Variants in SATB1 observed in about 807,000 individuals in gnomAD.
The protein encoded by SATB1 is DNA-binding protein SATB1.
In SATB1, 11 loss-of-function variants were observed where a neutral mutation model predicts 86.9. The ratio of observed to expected loss-of-function variants is 0.13; its 90% confidence interval spans 0.08 to 0.21. The LOEUF (loss-of-function observed/expected upper bound fraction) is 0.21, where lower values mean the gene tolerates loss of function less well. Ranked by LOEUF, SATB1 falls within the 10% of genes least tolerant of loss-of-function variation. SATB1 has a pLI of 1.00. For synonymous variants in SATB1, 357 were observed against 357.2 expected, an observed-to-expected ratio of 1.00 and a Z score of 0.01; for missense variants, 551 against 937.6, an observed-to-expected ratio of 0.59 and a Z score of 5.39.
chr3:18,377,302 G>C (rs1695808897), intron 9 of SATB1, among the ~76,000 whole-genome samples: 1 of 152,044 alleles, frequency 6.6e-6, no homozygotes, highest in Non-Finnish European at 1.5e-5. Flanking sequence ...GTCCCTATTT[G>C]CCTCTAATGT....
chr3:18,419,274 G>A (rs755427795), intron 2 of SATB1, among the ~76,000 whole-genome samples: 3 of 140,042 alleles, frequency 2.1e-5, no homozygotes, highest in African/African-American at 2.5e-5. Flanking sequence ...ATGATTATTC[G>A]TGCTAGTGTT....
At chr3:18,398,334 C>T (rs917162386) in intron 5 of SATB1, among the ~76,000 whole-genome samples, 17 of 151,912 alleles carry the variant, frequency 1.1e-4, no homozygotes, top group African/African-American at 3.6e-4. Flanking sequence ...AATTTCCTAC[C>T]GAGTCTTAGG....
rs1698039793 is a variant in SATB1 at position 18,414,991 on chromosome 3, T to C, written c.639+120A>G. 2.7e-6 allele frequency: 3 copies of C among 1,119,696 alleles called. No individual in the cohort carries two copies. In the South Asian group the frequency reaches 4.4e-5, roughly 17 times the overall value. The allele number at this position is 1,119,696 out of a possible 1,614,324, so 69.4% of individuals were successfully genotyped here. On this transcript the variant is annotated intron_variant, in intron 5 of 10. Transcript: ENST00000338745. ...AAAGGTCACCAGTGGTCAAGTCACTTTGCATTTTTGGCAGATTCTTGCTTC... is the reference window on the plus strand; with the variant it reads ...AAAGGTCACCAGTGGTCAAGTCACTCTGCATTTTTGGCAGATTCTTGCTTC...
rs1274643879 is a variant in SATB1 at position 18,394,139 on chromosome 3, C to T, written c.1206+323G>A. ...CAATAGCCTTGACTGAGTCATGAAACTTTTCTTAACCATCTACTATAGCTT... is the reference window on the plus strand; with the variant it reads ...CAATAGCCTTGACTGAGTCATGAAATTTTTCTTAACCATCTACTATAGCTT... On this transcript the variant is annotated intron_variant, in intron 7 of 10. Coordinates refer to ENST00000338745, the MANE Select transcript of SATB1 (RefSeq NM_002971.6). The surrounding 1 kb of genome is among the most constrained non-coding windows in gnomAD (Gnocchi z 5.9). Among the ~76,000 whole-genome samples, 1 of 152,162 alleles carries T rather than the reference C, an allele frequency of 6.6e-6. No homozygotes were observed. Among genetic ancestry groups the T allele is most frequent in the Non-Finnish European group, 1.5e-5 (1 of 68,022 alleles).
intron 5 of SATB1, among the ~76,000 whole-genome samples, chr3:18,406,287 A>C (rs1489744631): frequency 6.6e-6 from 1 of 152,034 alleles, no homozygotes; most frequent in African/African-American, 2.4e-5. Context: ...ACTTTAGAAC[A>C]CAACTGAGGA....
chr3:18,427,057 C>A (rs1004628335), upstream of SATB1, among the ~76,000 whole-genome samples: 1 of 152,050 alleles, frequency 6.6e-6, no homozygotes, highest in Admixed American at 6.5e-5. Context: ...AAAGAATGAA[C>A]ATGTGATAAA....
At chr3:18,403,177 TAAAG>T (rs1697356435) in intron 5 of SATB1, among the ~76,000 whole-genome samples, 1 of 152,116 alleles carries the variant, frequency 6.6e-6, no homozygotes, top group Non-Finnish European at 1.5e-5. Context: ...TCGAAAACTA[TAAAG>T]ACAGATGTCA....
At chr3:18,351,370 T>C (rs772587409) in intron 10 of SATB1, 9 of 1,556,476 alleles carry the variant, frequency 5.8e-6, no homozygotes, top group Non-Finnish European at 7.8e-6. Flanking sequence ...AGAAAACGCC[T>C]CTAGACTCTC....
At chr3:18,404,891 C>T (rs1471215504) in intron 5 of SATB1, among the ~76,000 whole-genome samples, 1 of 151,932 alleles carries the variant, frequency 6.6e-6, no homozygotes, top group East Asian at 1.9e-4. Context: ...ATTAACTGCA[C>T]ACAGAAGCTG....
At chr3:18,419,338 G>A (rs1163455176) in intron 2 of SATB1, among the ~76,000 whole-genome samples, 1 of 152,154 alleles carries the variant, frequency 6.6e-6, no homozygotes, top group Non-Finnish European at 1.5e-5. Context: ...TTAAAGGGGA[G>A]AGCACTGGTC....
intron 5 of SATB1, among the ~76,000 whole-genome samples, chr3:18,399,151 T>G (rs964359518): frequency 3.9e-4 from 60 of 152,200 alleles, no homozygotes; most frequent in African/African-American, 1.1e-3. Flanking sequence ...GTCTTACTTT[T>G]TAGAAGTGTA....
chr3:18,436,365 A>C (rs1036874684), intron 2 of SATB1, among the ~76,000 whole-genome samples: 1 of 152,116 alleles, frequency 6.6e-6, no homozygotes. Context: ...CTCAAATTGC[A>C]AGGAACTCAG....
At chr3:18,363,197 G>C (rs886393303) in intron 9 of SATB1, among the ~76,000 whole-genome samples, 1 of 152,126 alleles carries the variant, frequency 6.6e-6, no homozygotes, top group African/African-American at 2.4e-5. Context: ...GACTGTAAAA[G>C]TTAGGGAATC....
chr3:18,398,726 CT>C (rs896337831), intron 5 of SATB1, among the ~76,000 whole-genome samples: 23 of 151,396 alleles, frequency 1.5e-4, no homozygotes, highest in African/African-American at 2.9e-4. Flanking sequence ...ACTGTGATAT[CT>C]TTTTTTTTGA....
chr3:18,415,272 G>A, intron 4 of SATB1, 38 bp from the exon 5 acceptor site: 1 of 1,610,650 alleles, frequency 6.2e-7, no homozygotes, highest in Non-Finnish European at 8.5e-7. Flanking sequence ...ATTATTACAA[G>A]ATTGCATCCC....
chr3:18,445,172 C>T (rs1699357667), intron 1 of SATB1: 2 of 946,114 alleles, frequency 2.1e-6, no homozygotes, highest in South Asian at 4.9e-5. Context: ...GCCAGCGGGG[C>T]GGCCAGGGCC....
intron 9 of SATB1, among the ~76,000 whole-genome samples, chr3:18,365,569 C>T (rs189204487): frequency 7.9e-5 from 12 of 152,274 alleles, no homozygotes; most frequent in Non-Finnish European, 1.3e-4. Flanking sequence ...CAGTCTTTGT[C>T]TAACTAGCTG....
intron 5 of SATB1, among the ~76,000 whole-genome samples, chr3:18,413,085 A>T (rs567068023): frequency 1.3e-4 from 20 of 152,160 alleles, no homozygotes; most frequent in Non-Finnish European, 2.6e-4. Flanking sequence ...GATTACAGTG[A>T]GGTATCCAGC....
chr3:18,353,649 A>C (rs1001373684), intron 9 of SATB1, among the ~76,000 whole-genome samples: 1 of 152,148 alleles, frequency 6.6e-6, no homozygotes. Context: ...TCTCAAACTG[A>C]AACGATTAGA....
Sources: gnomAD v4.1 joint callset for allele counts (sites outside exome capture counted in the v4.1 genomes callset) on GRCh38, gnomAD v4.1.1 for gene constraint, Gnocchi (gnomAD v3.1) non-coding constraint, MANE v1.5 for transcripts, NCBI Gene and HGNC (gene_info 2026-07-23, HGNC 2026-07-21) for gene names.